The following SYN3 variants were observed in gnomAD, a reference collection of about 807,000 sequenced individuals.
SYN3 encodes synapsin-3.
Under a neutral mutation model 65.8 loss-of-function variants are expected in SYN3, and 35 were observed. That is an observed-to-expected ratio of 0.53 (90% confidence interval 0.41 to 0.70). SYN3 has a LOEUF of 0.70. SYN3 is among the 30% of genes least tolerant of loss of function. The pLI is 0.00. For missense variants in SYN3, 680 were observed against 749.0 expected (o/e 0.91, Z 1.08); for synonymous variants, 270 against 292.9 (o/e 0.92, Z 0.80).
chr22:32,965,230 T>A (rs2051792455), intron 3 of SYN3, among the ~76,000 whole-genome samples: 1 of 144,462 alleles, frequency 6.9e-6, no homozygotes, highest in Non-Finnish European at 1.6e-5. Context: ...AATCTTGCTT[T>A]ACCTGCACTG....
intron 2 of SYN3, among the ~76,000 whole-genome samples, chr22:32,984,159 T>G (rs1601840379): frequency 4.7e-5 from 1 of 21,344 alleles, no homozygotes; most frequent in Non-Finnish European, 7.9e-5. Context: ...TGAAACTCCA[T>G]CCAAAAAAAA....
chr22:32,683,445 C>T (rs1309121651), intron 6 of SYN3, among the ~76,000 whole-genome samples: 1 of 152,052 alleles, frequency 6.6e-6, no homozygotes, highest in Middle Eastern at 3.2e-3. Flanking sequence ...TCTTAGGGCT[C>T]CTGTAGCTCT....
At chr22:32,916,942 G>GCCT (rs2050201107) in intron 4 of SYN3, among the ~76,000 whole-genome samples, 1 of 152,150 alleles carries the variant, frequency 6.6e-6, no homozygotes, top group Non-Finnish European at 1.5e-5. Context: ...ACACTGTGTT[G>GCCT]CCTGGGTGAG....
At chr22:32,770,528 C>T (rs1459357049) in intron 6 of SYN3, among the ~76,000 whole-genome samples, 3 of 152,162 alleles carry the variant, frequency 2.0e-5, no homozygotes, top group Admixed American at 6.5e-5. Context: ...GCTACCACCT[C>T]GGGGCCTTTG....
intron 7 of SYN3, among the ~76,000 whole-genome samples, chr22:32,595,486 G>T (rs1052243587): frequency 6.6e-6 from 1 of 152,168 alleles, no homozygotes; most frequent in Non-Finnish European, 1.5e-5. Flanking sequence ...AATATAGTTT[G>T]TCAGGATGTT....
At chr22:32,578,506 T>G (rs1488692935) in intron 7 of SYN3, among the ~76,000 whole-genome samples, 3 of 152,168 alleles carry the variant, frequency 2.0e-5, no homozygotes, top group Admixed American at 1.3e-4. Flanking sequence ...TGCCTCTGCC[T>G]CCCAAAGTGT....
chr22:32,728,608 C>T (rs1253235154), intron 6 of SYN3, among the ~76,000 whole-genome samples: 1 of 152,164 alleles, frequency 6.6e-6, no homozygotes, highest in Admixed American at 6.5e-5. Flanking sequence ...GGATTATTTG[C>T]AAGGCAATCT....
chr22:32,797,285 T>G (rs531232179), intron 6 of SYN3, among the ~76,000 whole-genome samples: 1 of 152,300 alleles, frequency 6.6e-6, no homozygotes, highest in Admixed American at 6.5e-5. Flanking sequence ...CAACCAATAC[T>G]TATTAAACTC....
intron 6 of SYN3, among the ~76,000 whole-genome samples, chr22:32,624,956 A>G (rs537823267): frequency 6.6e-6 from 1 of 152,308 alleles, no homozygotes; most frequent in South Asian, 2.1e-4. Flanking sequence ...CCTACCCTCT[A>G]GGTCATGATT....
chr22:32,701,043 A>G (rs899074962), intron 6 of SYN3, among the ~76,000 whole-genome samples: 1 of 152,220 alleles, frequency 6.6e-6, no homozygotes, highest in South Asian at 2.1e-4. Context: ...AATATGCCCC[A>G]TCTTAACTGC....
At chr22:32,710,351 C>G (rs2147243394) in intron 6 of SYN3, among the ~76,000 whole-genome samples, 1 of 151,612 alleles carries the variant, frequency 6.6e-6, no homozygotes, top group South Asian at 2.1e-4. Context: ...AAAGTGTGGG[C>G]TGGGTGCGGT....
intron 7 of SYN3, among the ~76,000 whole-genome samples, chr22:32,565,853 C>G (rs1423857273): frequency 6.6e-6 from 1 of 152,032 alleles, no homozygotes; most frequent in Non-Finnish European, 1.5e-5. Flanking sequence ...GCTGCGACTA[C>G]AGGCACCCAC....
At chr22:33,038,358 C>T (rs111409601) in intron 1 of SYN3, among the ~76,000 whole-genome samples, 3 of 152,302 alleles carry the variant, frequency 2.0e-5, no homozygotes, top group South Asian at 2.1e-4. Flanking sequence ...ATTACTGCTG[C>T]GGCGCTGCCT....
intron 2 of SYN3, among the ~76,000 whole-genome samples, chr22:32,986,026 C>T (rs912236585): frequency 5.3e-5 from 8 of 152,070 alleles, no homozygotes; most frequent in African/African-American, 1.9e-4. Flanking sequence ...CTTAGCTGCC[C>T]TCTGCCCCCA....
At chr22:33,036,190 G>A (rs974449892) in intron 1 of SYN3, among the ~76,000 whole-genome samples, 1 of 152,012 alleles carries the variant, frequency 6.6e-6, no homozygotes, top group Non-Finnish European at 1.5e-5. Flanking sequence ...AAACCTCCTC[G>A]GAAAAGCAGC....
Position 32,857,137 on chromosome 22 carries a change from C to T in SYN3, c.711+7778G>A, listed in dbSNP as rs1187989735. ...AGTCAACATGAGAGTGCAGACCCCTCTTCCATATTCCGATTTCCTTTCCTT... is the reference window on the plus strand; with the variant it reads ...AGTCAACATGAGAGTGCAGACCCCTTTTCCATATTCCGATTTCCTTTCCTT... On this transcript the variant is annotated intron_variant, in intron 6 of 13. Coordinates refer to ENST00000358763, the MANE Select transcript of SYN3 (RefSeq NM_003490.4). 4.9e-6 allele frequency: 4 copies of T among 821,082 alleles called. No homozygotes were observed. In the Admixed American group the frequency reaches 5.7e-5, roughly 12 times the overall value. 50.9% of individuals were successfully genotyped at this position (821,082 alleles called of 1,614,324 possible).
chr22:33,004,629 T>C (rs1283437162), intron 2 of SYN3, among the ~76,000 whole-genome samples: 2 of 152,270 alleles, frequency 1.3e-5, no homozygotes, highest in Admixed American at 6.5e-5. Flanking sequence ...CTATTTGGAA[T>C]GCGTGTATTT....
chr22:32,565,742 C>T (rs1430628474), intron 7 of SYN3, among the ~76,000 whole-genome samples: 1 of 148,802 alleles, frequency 6.7e-6, no homozygotes, highest in Non-Finnish European at 1.5e-5. Flanking sequence ...TTTTTTTACT[C>T]GCTCTGTCCC....
intron 7 of SYN3, among the ~76,000 whole-genome samples, chr22:32,543,906 G>A (rs2146256673): frequency 6.6e-6 from 1 of 152,358 alleles, no homozygotes; most frequent in South Asian, 2.1e-4. Context: ...GAGGATGGCT[G>A]AGTAGAAAGA....
Sources: allele counts gnomAD v4.1 joint callset (sites outside exome capture counted in the v4.1 genomes callset), GRCh38; gene constraint gnomAD v4.1.1; transcripts MANE v1.5; gene names NCBI Gene and HGNC (gene_info 2026-07-23, HGNC 2026-07-21).